The following ROBO2 variants were observed in gnomAD, a reference collection of about 807,000 sequenced individuals.
ROBO2 encodes the protein roundabout guidance receptor 2, also known as roundabout homolog 2.
Under a neutral mutation model 160.8 loss-of-function variants are expected in ROBO2, and 53 were observed. That is an observed-to-expected ratio of 0.33 (90% CI 0.26 to 0.41). ROBO2 has a LOEUF of 0.41. Among genes scored for constraint, ROBO2 ranks in the 10% least tolerant of loss-of-function variants. ROBO2 has a pLI of 1.00. For missense variants in ROBO2, 1,577 were observed against 1,722.4 expected (o/e 0.92, Z 1.49); for synonymous variants, 664 against 611.7 (o/e 1.09, Z -1.26).
chr3:77,425,680 T>C (rs186544260), intron 2 of ROBO2, among the ~76,000 whole-genome samples: 33 of 151,514 alleles, frequency 2.2e-4, no homozygotes, highest in African/African-American at 7.5e-4. Flanking sequence ...TTTTTTTTTT[T>C]TTTTGATGGA....
chr3:76,319,154 C>A (rs570767837), intron 2 of ROBO2, among the ~76,000 whole-genome samples: 2 of 152,096 alleles, frequency 1.3e-5, no homozygotes, highest in African/African-American at 2.4e-5. Flanking sequence ...TCTCATCAGT[C>A]CTGAGGATCA....
At chr3:77,537,632 A>C (rs2092208241) in intron 6 of ROBO2, among the ~76,000 whole-genome samples, 1 of 152,144 alleles carries the variant, frequency 6.6e-6, no homozygotes, top group Non-Finnish European at 1.5e-5. Flanking sequence ...TTGAAAGAAA[A>C]GGTATTATTG....
intron 5 of ROBO2, among the ~76,000 whole-genome samples, chr3:77,508,279 A>T (rs904706330): frequency 6.7e-6 from 1 of 148,724 alleles, no homozygotes; most frequent in African/African-American, 2.4e-5. Flanking sequence ...ATATGTATTT[A>T]TATAGTATAT....
At chr3:76,110,746 C>T (rs921840344) in intron 2 of ROBO2, among the ~76,000 whole-genome samples, 4 of 151,324 alleles carry the variant, frequency 2.6e-5, no homozygotes, top group Non-Finnish European at 5.9e-5. Flanking sequence ...CTTAAGACAA[C>T]TAAAAAAAGT....
chr3:77,100,634 T>C (rs939142816), intron 2 of ROBO2, among the ~76,000 whole-genome samples: 6 of 152,062 alleles, frequency 3.9e-5, no homozygotes, highest in African/African-American at 1.4e-4. Context: ...AAGGCGGATA[T>C]CCACTGAAAG....
intron 2 of ROBO2, among the ~76,000 whole-genome samples, chr3:77,357,262 G>A (rs550177592): frequency 6.6e-6 from 1 of 152,230 alleles, no homozygotes; most frequent in Non-Finnish European, 1.5e-5. Flanking sequence ...CATTTCTCTA[G>A]CAAAAGACTC....
chr3:77,445,965 C>T (rs2080464520), intron 2 of ROBO2, among the ~76,000 whole-genome samples: 1 of 151,886 alleles, frequency 6.6e-6, no homozygotes, highest in African/African-American at 2.4e-5. Flanking sequence ...GGCATTGACT[C>T]ATTTAGACTT....
At chr3:77,036,948 A>T (rs931467738), upstream of ROBO2, among the ~76,000 whole-genome samples, 3 of 151,968 alleles carry the variant, frequency 2.0e-5, no homozygotes, top group African/African-American at 7.2e-5. Flanking sequence ...CTTTCCTTTA[A>T]TTAAACATTT....
At chr3:77,317,145 T>C (rs2064084153) in intron 2 of ROBO2, 3 of 1,079,434 alleles carry the variant, frequency 2.8e-6, no homozygotes, top group Non-Finnish European at 4.3e-6. Flanking sequence ...TCAAAACGCA[T>C]CTGGTACCCA....
chr3:76,321,500 A>C lies in ROBO2; in HGVS notation c.109+383898A>C, dbSNP rs74376124. ...CAACAGAGCGAGGCTCCATCTCAAA[A>C]AACAACAACAACAACAACAACAACT... On this transcript the variant is annotated intron_variant, in intron 2 of 26. Transcript: ENST00000487694. 4.7e-5 allele frequency among the ~76,000 whole-genome samples: 7 copies of C among 150,432 alleles called. 1 individual carries two copies. Among genetic ancestry groups the C allele is most frequent in the African/African-American group, 1.7e-4 (7 of 40,440 alleles).
chr3:76,282,491 G>T (rs2107673063), intron 2 of ROBO2, among the ~76,000 whole-genome samples: 1 of 152,040 alleles, frequency 6.6e-6, no homozygotes, highest in Admixed American at 6.6e-5. Flanking sequence ...CTAAAAAATA[G>T]CTAGTCATTA....
chr3:76,419,525 G>A (rs920307325), intron 2 of ROBO2, among the ~76,000 whole-genome samples: 1 of 151,844 alleles, frequency 6.6e-6, no homozygotes. Context: ...TTTTTATTCA[G>A]GGCAATCAAG....
intron 2 of ROBO2, among the ~76,000 whole-genome samples, chr3:77,340,659 T>C (rs930465358): frequency 6.6e-6 from 1 of 152,158 alleles, no homozygotes; most frequent in African/African-American, 2.4e-5. Context: ...ATAGGAGCCA[T>C]ATGTTCAAAA....
At chr3:76,129,431 C>T (rs756979095) in intron 2 of ROBO2, among the ~76,000 whole-genome samples, 2 of 152,128 alleles carry the variant, frequency 1.3e-5, no homozygotes, top group Non-Finnish European at 2.9e-5. Context: ...TTGAAATGCA[C>T]TATACAATCT....
At chr3:77,517,421 C>T (rs1342726431) in intron 5 of ROBO2, among the ~76,000 whole-genome samples, 1 of 151,334 alleles carries the variant, frequency 6.6e-6, no homozygotes, top group Non-Finnish European at 1.5e-5. Flanking sequence ...AGGCAAGGAC[C>T]AGATTATCTA....
intron 2 of ROBO2, among the ~76,000 whole-genome samples, chr3:76,499,283 A>C (rs2080331050): frequency 6.6e-6 from 1 of 152,194 alleles, no homozygotes; most frequent in African/African-American, 2.4e-5. Flanking sequence ...ATAATACAGG[A>C]ATAAAAAAAC....
At chr3:77,309,117 A>G (rs1190266116) in intron 2 of ROBO2, among the ~76,000 whole-genome samples, 1 of 150,918 alleles carries the variant, frequency 6.6e-6, no homozygotes, top group African/African-American at 2.4e-5. Flanking sequence ...AGTAATTTCA[A>G]TTTATAGCTA....
intron 2 of ROBO2, among the ~76,000 whole-genome samples, chr3:77,277,846 T>C (rs1450716002): frequency 2.0e-5 from 3 of 152,180 alleles, no homozygotes; most frequent in African/African-American, 7.2e-5. Context: ...TCAAACAGGA[T>C]TGTCTTTCTG....
At chr3:76,830,621 T>G (rs1028608268) in intron 2 of ROBO2, among the ~76,000 whole-genome samples, 5 of 152,068 alleles carry the variant, frequency 3.3e-5, no homozygotes, top group Admixed American at 2.6e-4. Context: ...TCTATGACTT[T>G]CCACATGTTG....
Sources: gnomAD v4.1 joint callset for allele counts (sites outside exome capture counted in the v4.1 genomes callset) on GRCh38, gnomAD v4.1.1 for gene constraint, MANE v1.5 for transcripts, NCBI Gene and HGNC (gene_info 2026-07-23, HGNC 2026-07-21) for gene names.